Variants in ZNF385A observed in about 807,000 individuals in gnomAD.
The protein encoded by ZNF385A is hematopoietic zinc finger protein.
ZNF385A carries 14 observed loss-of-function variants against 32.1 expected under a neutral mutation model. That is an observed-to-expected ratio of 0.44 (90% CI 0.29 to 0.68). The LOEUF is 0.68. Among genes scored for constraint, ZNF385A ranks in the 30% least tolerant of loss-of-function variants. ZNF385A has a pLI of 0.14. For synonymous variants in ZNF385A, 197 were observed against 202.7 expected (o/e 0.97, Z 0.24); for missense variants, 406 against 478.4 (o/e 0.85, Z 1.41).
chr12:54,370,024 G>T lies in ZNF385A; in HGVS notation c.*232C>A. ...GGGTGAGACGGCCCCCCCTTTTCTAGGGGAGAGGGAAAGGCAGGGGGCGGG... is the reference window on the plus strand; with the variant it reads ...GGGTGAGACGGCCCCCCCTTTTCTATGGGAGAGGGAAAGGCAGGGGGCGGG... On this transcript the variant is annotated 3_prime_UTR_variant, in exon 7 of 7. Coordinates refer to ENST00000394313, the MANE Select transcript of ZNF385A (RefSeq NM_015481.3). The surrounding 1 kb of genome is among the most constrained non-coding windows in gnomAD (Gnocchi z 5.5). 1 of 414,390 alleles carries T rather than the reference G, an allele frequency of 2.4e-6. No homozygotes were observed. The allele number at this position is 414,390 out of a possible 1,614,324, so 25.7% of individuals were successfully genotyped here. A position where few individuals can be genotyped will look rare whatever the true frequency, so the allele number is the denominator to read the frequency against.
At position 54,370,229 on chromosome 12, in the gene ZNF385A, T is replaced by G; in HGVS notation, c.*27A>C. 20 of 1,354,782 alleles carry G rather than the reference T, an allele frequency of 1.5e-5. No homozygotes were observed. Among genetic ancestry groups the G allele is most frequent in the South Asian group, 5.8e-5 (3 of 51,520 alleles). The allele number at this position is 1,354,782 out of a possible 1,614,324, so 83.9% of individuals were successfully genotyped here. On this transcript the variant is annotated 3_prime_UTR_variant, in exon 7 of 7. Coordinates refer to ENST00000394313, the MANE Select transcript of ZNF385A (RefSeq NM_015481.3). The surrounding 1 kb of genome is among the most constrained non-coding windows in gnomAD (Gnocchi z 5.5). ...CTGGGTCCCGGCTGGAGGTGGGGAG[T>G]TGAATGGGAGGGGTTCAGGGTTGAG... is the stretch of plus-strand genomic sequence containing the variant.
At position 54,370,627 on chromosome 12, in the gene ZNF385A, G is replaced by A. The variant is rs776717174; in HGVS notation, c.869C>T (p.Ala290Val). Reference protein sequence around the residue: ...HKKSRGAGELAGTLTFSKELP... With the variant: ...HKKSRGAGELVGTLTFSKELP... ...GAATTCCCAGCATCCAGGCCTCACC[G>A]CCAGCTCCCCGGCGCCCCTAGACTT... Residue 290 changes from alanine (A) to valine (V), a missense_variant and splice_region_variant, in exon 6 of 7, where the codon GCG becomes GTG. By Grantham distance (64) the Ala-to-Val change is moderately conservative. Transcript: ENST00000394313. This position sits in a 1 kb window ranked among gnomAD's most constrained non-coding sequence, Gnocchi z 5.5. 10 of 1,598,022 alleles carry A rather than the reference G, an allele frequency of 6.3e-6. No homozygotes were observed. The highest frequency in any genetic ancestry group is 3.4e-5 in the Admixed American group (2 of 58,074).
chr12:54,375,719 C>G (rs931151379), intron 2 of ZNF385A, 125 bp downstream of exon 2: 1 of 793,910 alleles, frequency 1.3e-6, no homozygotes, highest in African/African-American at 1.7e-5. Context: ...TGCTCTTTGC[C>G]TAATATCCCC....
In ZNF385A at chr12:54,375,872, T is replaced by C; in HGVS notation, c.170A>G (p.Asn57Ser). The C allele has an allele frequency of 6.2e-7, 1 of 1,614,082 alleles. No homozygotes were observed. The highest frequency in any genetic ancestry group is 8.5e-7 in the Non-Finnish European group (1 of 1,180,010). The stretch of plus-strand genomic sequence containing the variant: ...AGAATTGAAGCGGATTTGACAGATA[T>C]TACAGGAAATGACGGGCCGCTTGGT... ...LKTKRPVISC[N>S]ICQIRFNSQS... Residue 57 changes from asparagine to serine, a missense_variant, in exon 2 of 7, where the codon AAT becomes AGT. Physicochemically the swap from Asn to Ser is conservative, Grantham distance 46 (BLOSUM62 1). Coordinates refer to ENST00000394313, the MANE Select transcript of ZNF385A (RefSeq NM_015481.3).
Position 54,370,850 on chromosome 12 carries a change from T to C in ZNF385A, c.774+77A>G. On this transcript the variant is annotated intron_variant, in intron 5 of 6. Coordinates refer to ENST00000394313, the MANE Select transcript of ZNF385A (RefSeq NM_015481.3). This position sits in a 1 kb window ranked among gnomAD's most constrained non-coding sequence, Gnocchi z 5.5. ...GGGGAAAACTCTGAAGAAGGGCCTT[T>C]ACTCAAGCTCCTTGCTCCCCTTCCC... 1 of 1,608,648 alleles carries C rather than the reference T, an allele frequency of 6.2e-7. No individual in the cohort carries two copies. The highest frequency in any genetic ancestry group is 8.5e-7 in the Non-Finnish European group (1 of 1,176,722).
chr12:54,383,128 G>A (rs975277683), intron 1 of ZNF385A, among the ~76,000 whole-genome samples: 1 of 152,074 alleles, frequency 6.6e-6, no homozygotes, highest in African/African-American at 2.4e-5. Flanking sequence ...TCATGCCACT[G>A]CACTCCAGCC....
rs1954503276 is a variant in ZNF385A, at chr12:54,370,812, CA to C, written c.775-92del. The C allele has an allele frequency of 2.5e-6, 4 of 1,596,588 alleles. No homozygotes were observed. Among genetic ancestry groups the C allele is most frequent in the Non-Finnish European group, 8.5e-7 (1 of 1,171,984 alleles). On this transcript the variant is annotated intron_variant, in intron 5 of 6. Transcript: ENST00000394313. This position sits in a 1 kb window ranked among gnomAD's most constrained non-coding sequence, Gnocchi z 5.5. Reference sequence around the variant, plus strand: ...CAAGCTCCAAGCACCGGCCCCCTCCCATCTGGCCCCCTGGGGAAAACTCTGA... The same window carrying C: ...CAAGCTCCAAGCACCGGCCCCCTCCCTCTGGCCCCCTGGGGAAAACTCTGA...
chr12:54,390,265 A>T (rs899686716), intron 1 of ZNF385A, among the ~76,000 whole-genome samples: 5 of 151,984 alleles, frequency 3.3e-5, no homozygotes, highest in Admixed American at 1.3e-4. Context: ...ACTATTGTGG[A>T]GGCAGGGTGG....
At chr12:54,379,271 G>T (rs575143186) in intron 1 of ZNF385A, 2 of 867,582 alleles carry the variant, frequency 2.3e-6, no homozygotes, top group Non-Finnish European at 2.8e-6. Context: ...GAGGACGGGG[G>T]CGGGGACAGG....
upstream of ZNF385A, among the ~76,000 whole-genome samples, chr12:54,387,241 A>C (rs1288854066): frequency 6.6e-6 from 1 of 152,124 alleles, no homozygotes; most frequent in Non-Finnish European, 1.5e-5. Context: ...ATGGCTAACA[A>C]CTCATCTTTT....
chr12:54,370,940 A>G lies in ZNF385A; in HGVS notation c.761T>C (p.Val254Ala), dbSNP rs753108754. The G allele has an allele frequency of 1.2e-6, 2 of 1,614,030 alleles. No homozygotes were observed. Among genetic ancestry groups the G allele is most frequent in the South Asian group, 1.1e-5 (1 of 91,076 alleles). ...CCTTAGACCCACCTGTTTCAGTTGG[A>G]CCTCCGAGTTGACCTTGACATTGCA... ...EICNVKVNSE[V>A]QLKQHISSRR... The change falls in exon 5 of 7, where the codon GTC (valine) becomes GCC (alanine). Residue 254 changes from valine to alanine, a missense_variant. By Grantham distance (64) the Val-to-Ala change is moderately conservative. Coordinates refer to ENST00000394313, the MANE Select transcript of ZNF385A (RefSeq NM_015481.3). The surrounding 1 kb of genome is among the most constrained non-coding windows in gnomAD (Gnocchi z 5.5).
rs1954443084 is a variant in ZNF385A, at chr12:54,370,173, G to T, written c.*83C>A. 1.8e-6 allele frequency: 2 copies of T among 1,088,010 alleles called. No homozygotes were observed. The highest frequency in any genetic ancestry group is 2.5e-6 in the Non-Finnish European group (2 of 791,104). 67.4% of individuals were successfully genotyped at this position (1,088,010 alleles called of 1,614,324 possible). ...AAGGAGAGATCATTTAGGGAGTGCC[G>T]GGAGGAGGGGCGGGCTGGGAGCCCG... On this transcript the variant is annotated 3_prime_UTR_variant, in exon 7 of 7. Coordinates refer to ENST00000394313, the MANE Select transcript of ZNF385A (RefSeq NM_015481.3). This position sits in a 1 kb window ranked among gnomAD's most constrained non-coding sequence, Gnocchi z 5.5.
At chr12:54,373,915 G>C (rs1954695724) in intron 3 of ZNF385A, 58 bp downstream of exon 3, 1 of 1,412,102 alleles carries the variant, frequency 7.1e-7, no homozygotes, top group Non-Finnish European at 9.4e-7. Context: ...TCTGGAAAAG[G>C]GGGAGAGAAT....
chr12:54,373,568 ACT>A (rs1158269030), intron 3 of ZNF385A, among the ~76,000 whole-genome samples: 1 of 151,302 alleles, frequency 6.6e-6, no homozygotes, highest in Non-Finnish European at 1.5e-5. Flanking sequence ...GGTTTCTTGC[ACT>A]CTCTGTCTTC....
At chr12:54,390,490 G>A (rs1394704962) in intron 1 of ZNF385A, among the ~76,000 whole-genome samples, 6 of 152,110 alleles carry the variant, frequency 3.9e-5, no homozygotes, top group African/African-American at 1.2e-4. Context: ...AGGCAGGGGT[G>A]GAGGGAGAAG....
rs1236587211 is a variant in ZNF385A at position 54,370,990 on chromosome 12, C to T, written c.711G>A (p.Gln237=). Reference sequence around the variant, plus strand: ...AGATCTCACAGTGGAAAGTTCGGTCCTGGGCAGGAGCCTCTGGTTCCCCCG... The same window carrying T: ...AGATCTCACAGTGGAAAGTTCGGTCTTGGGCAGGAGCCTCTGGTTCCCCCG... ...PTPGEPEAPA[Q]DRTFHCEICN... is the part of the protein sequence containing the mutation. Residue 237 remains glutamine, a synonymous_variant, in exon 5 of 7, where the codon CAG becomes CAA. Coordinates refer to ENST00000394313, the MANE Select transcript of ZNF385A (RefSeq NM_015481.3). This position sits in a 1 kb window ranked among gnomAD's most constrained non-coding sequence, Gnocchi z 5.5. 1.2e-6 allele frequency: 2 copies of T among 1,614,068 alleles called. No homozygotes were observed. The highest frequency in any genetic ancestry group is 1.7e-6 in the Non-Finnish European group (2 of 1,180,026).
chr12:54,384,544 G>A lies in ZNF385A; in HGVS notation c.-30C>T, dbSNP rs1955367461. On this transcript the variant is annotated 5_prime_UTR_variant, in exon 1 of 7. Coordinates refer to ENST00000394313, the MANE Select transcript of ZNF385A (RefSeq NM_015481.3). ...GGGGGCTGCCGTAGCAGAGGCAGGG[G>A]CCCTGCCCGGCTCAGGCTGCCTGAA... 1.3e-6 allele frequency: 2 copies of A among 1,489,276 alleles called. No individual in the cohort carries two copies. Among genetic ancestry groups the A allele is most frequent in the Non-Finnish European group, 8.9e-7 (1 of 1,120,670 alleles). The allele number at this position is 1,489,276 out of a possible 1,614,324, so 92.3% of individuals were successfully genotyped here.
At chr12:54,386,631 G>T (rs535395005), upstream of ZNF385A, among the ~76,000 whole-genome samples, 1 of 152,254 alleles carries the variant, frequency 6.6e-6, no homozygotes, top group East Asian at 1.9e-4. Context: ...AGTGCTCCCA[G>T]AGTCCCCTGC....
rs1407849757 is a variant in ZNF385A, at chr12:54,369,572, A to G, written c.*684T>C. ...CCTTGGGCGATGGGTGCTGGTGAAAAGAATGGAACCCGGACTAGGGAGGAA... is the reference window on the plus strand; with the variant it reads ...CCTTGGGCGATGGGTGCTGGTGAAAGGAATGGAACCCGGACTAGGGAGGAA... On this transcript the variant is annotated 3_prime_UTR_variant, in exon 7 of 7. Coordinates refer to ENST00000394313, the MANE Select transcript of ZNF385A (RefSeq NM_015481.3). 3 of 152,880 alleles carry G rather than the reference A, an allele frequency of 2.0e-5. No individual in the cohort carries two copies. The highest frequency in any genetic ancestry group is 7.2e-5 in the African/African-American group (3 of 41,410). 9.5% of individuals were successfully genotyped at this position (152,880 alleles called of 1,614,324 possible).
Sources: allele counts gnomAD v4.1 joint callset (sites outside exome capture counted in the v4.1 genomes callset), GRCh38; gene constraint gnomAD v4.1.1; non-coding constraint Gnocchi (gnomAD v3.1); transcripts MANE v1.5; gene names NCBI Gene and HGNC (gene_info 2026-07-23, HGNC 2026-07-21).